SUPT3H: variants seen among roughly 807,000 people sequenced by gnomAD.
SUPT3H encodes SPT3 homolog, SAGA and STAGA complex component, also known as transcription initiation protein SPT3 homolog.
Under a neutral mutation model 44.3 loss-of-function variants are expected in SUPT3H, and 44 were observed. The observed-to-expected ratio is 0.99, with a 90% CI of 0.78 to 1.28. SUPT3H has a LOEUF of 1.28. SUPT3H is among the 50% of genes most tolerant of loss of function. SUPT3H has a pLI of 0.00. For synonymous variants in SUPT3H, 124 were observed against 125.6 expected (o/e 0.99, Z 0.09); for missense variants, 380 against 387.1 (o/e 0.98, Z 0.15).
chr6:45,365,356 C>CAAAA, intron 1 of SUPT3H, 55 bp from the exon 2 acceptor site: 2 of 955,090 alleles, frequency 2.1e-6, no homozygotes, highest in Non-Finnish European at 3.0e-6. Context: ...TAAGTAAATG[C>CAAAA]AAAAAAAAAA....
chr6:45,334,760 G>A (rs541128615), intron 2 of SUPT3H, among the ~76,000 whole-genome samples: 1 of 149,172 alleles, frequency 6.7e-6, no homozygotes, highest in South Asian at 2.1e-4. Context: ...TTATAAACCA[G>A]GAAAAAAATT....
intron 11 of SUPT3H, among the ~76,000 whole-genome samples, chr6:44,816,639 T>C (rs1766930458): frequency 6.6e-6 from 1 of 152,190 alleles, no homozygotes; most frequent in African/African-American, 2.4e-5. Flanking sequence ...CCCAAACTCA[T>C]TTTATGAGCC....
At chr6:45,110,332 T>A (rs1009796655) in intron 2 of SUPT3H, among the ~76,000 whole-genome samples, 2 of 152,162 alleles carry the variant, frequency 1.3e-5, no homozygotes, top group Non-Finnish European at 2.9e-5. Flanking sequence ...TGTATACTTA[T>A]ACTGGGATCC....
At chr6:45,375,344 T>C (rs752895314) in intron 1 of SUPT3H, among the ~76,000 whole-genome samples, 2 of 152,196 alleles carry the variant, frequency 1.3e-5, no homozygotes, top group Non-Finnish European at 2.9e-5. Context: ...TGAAAGGGGT[T>C]CTATTAAATA....
intron 2 of SUPT3H, among the ~76,000 whole-genome samples, chr6:45,314,449 C>T (rs953392442): frequency 5.9e-5 from 9 of 152,050 alleles, no homozygotes; most frequent in East Asian, 5.8e-4. Flanking sequence ...GTAAAGTTTC[C>T]GGATACAAGA....
chr6:45,082,989 C>T (rs1372901081), intron 3 of SUPT3H, among the ~76,000 whole-genome samples: 2 of 151,916 alleles, frequency 1.3e-5, no homozygotes, highest in Admixed American at 1.3e-4. Context: ...AACATTTTAG[C>T]TGAAAGCCAA....
chr6:45,310,756 G>A (rs1039348641), intron 2 of SUPT3H, among the ~76,000 whole-genome samples: 4 of 152,152 alleles, frequency 2.6e-5, no homozygotes, highest in Non-Finnish European at 5.9e-5. Flanking sequence ...GGAACCCCCT[G>A]TGGGACAAAA....
At chr6:44,966,106 A>G (rs1776737545) in intron 6 of SUPT3H, among the ~76,000 whole-genome samples, 2 of 152,192 alleles carry the variant, frequency 1.3e-5, no homozygotes, top group Non-Finnish European at 1.5e-5. Flanking sequence ...CAAATATTAA[A>G]TAAGTGTGGC....
intron 2 of SUPT3H, among the ~76,000 whole-genome samples, chr6:45,165,716 G>A (rs1243619759): frequency 6.6e-6 from 1 of 151,934 alleles, no homozygotes; most frequent in Non-Finnish European, 1.5e-5. Flanking sequence ...AAATTCATTA[G>A]ATGACCTTAT....
intron 2 of SUPT3H, among the ~76,000 whole-genome samples, chr6:45,177,283 A>C (rs1443687820): frequency 6.6e-6 from 1 of 152,236 alleles, no homozygotes; most frequent in Non-Finnish European, 1.5e-5. Context: ...CAGAAGCCTC[A>C]GGAGCCAATG....
intron 10 of SUPT3H, among the ~76,000 whole-genome samples, chr6:44,884,945 G>A (rs9472394): frequency 0.12 from 17,705 of 152,140 alleles, 1,233 homozygotes; most frequent in African/African-American, 0.19. Context: ...CTTAAAAAAC[G>A]GCGCACCAGG....
intron 2 of SUPT3H, among the ~76,000 whole-genome samples, chr6:45,332,982 A>C (rs553931622): frequency 1.3e-5 from 2 of 151,738 alleles, no homozygotes; most frequent in Admixed American, 1.3e-4. Flanking sequence ...CTCACCCCCC[A>C]AAAAATCATA....
chr6:44,917,043 A>G (rs1406210839), intron 10 of SUPT3H, among the ~76,000 whole-genome samples: 1 of 151,996 alleles, frequency 6.6e-6, no homozygotes, highest in Non-Finnish European at 1.5e-5. Context: ...AGTCCCAGCT[A>G]TTTGGGAGGC....
At chr6:44,889,761 T>C (rs1762975599) in intron 10 of SUPT3H, among the ~76,000 whole-genome samples, 1 of 151,946 alleles carries the variant, frequency 6.6e-6, no homozygotes, top group Non-Finnish European at 1.5e-5. Context: ...AATTGACAAA[T>C]GGGATCTAAT....
Position 45,068,255 on chromosome 6 carries a change from T to C in SUPT3H, c.186+37667A>G, listed in dbSNP as rs1355407210. 1.1e-4 allele frequency among the ~76,000 whole-genome samples: 15 copies of C among 141,794 alleles called. No homozygotes were observed. The South Asian group carries it at 1.2e-3, about 11-fold the overall frequency. 93.0% of individuals were successfully genotyped at this position (141,794 alleles called of 152,430 possible). A position where few individuals can be genotyped will look rare whatever the true frequency, so the allele number is the denominator to read the frequency against. Reference sequence around the variant, plus strand: ...GCATATTCTCACTCATAGGTGGGAATTGAACAATGAGATCACATGGACACA... The same window carrying C: ...GCATATTCTCACTCATAGGTGGGAACTGAACAATGAGATCACATGGACACA... On this transcript the variant is annotated intron_variant, in intron 3 of 10. Coordinates refer to ENST00000371459, the MANE Select transcript of SUPT3H (RefSeq NM_003599.4).
chr6:45,125,604 C>T (rs1022475239), intron 2 of SUPT3H, among the ~76,000 whole-genome samples: 16 of 152,002 alleles, frequency 1.1e-4, no homozygotes, highest in African/African-American at 3.9e-4. Context: ...TTTGTGATTT[C>T]AGGGATAGTT....
intron 2 of SUPT3H, among the ~76,000 whole-genome samples, chr6:45,178,024 T>C (rs1437851545): frequency 6.6e-6 from 1 of 151,984 alleles, no homozygotes; most frequent in Non-Finnish European, 1.5e-5. Context: ...ACGAGCAAAA[T>C]AACCAGCTAA....
At chr6:45,216,401 C>T (rs1242038435) in intron 2 of SUPT3H, among the ~76,000 whole-genome samples, 1 of 152,044 alleles carries the variant, frequency 6.6e-6, no homozygotes, top group Non-Finnish European at 1.5e-5. Context: ...ATATATAAAA[C>T]AACCAGAAAA....
chr6:45,078,801 G>GT (rs367735483), intron 3 of SUPT3H, among the ~76,000 whole-genome samples: 4 of 152,082 alleles, frequency 2.6e-5, no homozygotes, highest in Non-Finnish European at 5.9e-5. Context: ...GTTTATGTTG[G>GT]TAAATATACG....
Sources: gnomAD v4.1 joint callset for allele counts (sites outside exome capture counted in the v4.1 genomes callset) on GRCh38, gnomAD v4.1.1 for gene constraint, MANE v1.5 for transcripts, NCBI Gene and HGNC (gene_info 2026-07-23, HGNC 2026-07-21) for gene names.